PTPRD: variants seen among roughly 807,000 people sequenced by gnomAD.
PTPRD encodes receptor-type tyrosine-protein phosphatase delta.
A neutral mutation model predicts 214.5 loss-of-function variants in PTPRD; 34 were observed. The ratio of observed to expected loss-of-function variants is 0.16; its 90% confidence interval spans 0.12 to 0.21. PTPRD has a LOEUF of 0.21. Ranked by LOEUF, PTPRD falls within the 10% of genes least tolerant of loss-of-function variation. The probability of loss-of-function intolerance (pLI) is 1.00; values close to 1 mark genes in which losing one functional copy is unlikely to be tolerated. For synonymous variants in PTPRD, 1,128 were observed against 845.7 expected (o/e 1.33, Z -5.79); for missense variants, 2,545 against 2,398.7 (o/e 1.06, Z -1.27).
Position 9,146,205 on chromosome 9 carries a change from G to C in PTPRD, c.-143+37099C>G, listed in dbSNP as rs528455007. ...ATTCTATGATTTAGATTGTTTATTC[G>C]TTAGTACCTGTATTAAACACTGCTG... On this transcript the variant is annotated intron_variant, in intron 10 of 45. Coordinates refer to ENST00000381196, the MANE Select transcript of PTPRD (RefSeq NM_002839.4). 2.0e-5 allele frequency among the ~76,000 whole-genome samples: 3 copies of C among 152,020 alleles called. No homozygotes were observed. The South Asian group carries it at 6.2e-4, about 32-fold the overall frequency.
chr9:8,707,450 C>T (rs112656511), intron 12 of PTPRD, among the ~76,000 whole-genome samples: 2,927 of 152,294 alleles, frequency 0.019, 34 homozygotes, highest in Middle Eastern at 0.041. Flanking sequence ...ATAAAAAGCC[C>T]CTTTCAAACA....
intron 14 of PTPRD, among the ~76,000 whole-genome samples, chr9:8,537,903 T>C (rs747131837): frequency 9.2e-5 from 14 of 152,054 alleles, no homozygotes; most frequent in South Asian, 4.1e-4. Flanking sequence ...CAAGTTTACA[T>C]TGCATTAAGT....
At chr9:9,850,148 C>T (rs774103627) in intron 5 of PTPRD, among the ~76,000 whole-genome samples, 1 of 152,132 alleles carries the variant, frequency 6.6e-6, no homozygotes, top group East Asian at 1.9e-4. Flanking sequence ...AAAGTTACCA[C>T]TGAAAGGTAT....
At chr9:10,143,487 G>A (rs575301140) in intron 3 of PTPRD, among the ~76,000 whole-genome samples, 121 of 152,128 alleles carry the variant, frequency 8.0e-4, no homozygotes, top group South Asian at 1.9e-3. Flanking sequence ...CAACCACCAT[G>A]GAGAGCAGTC....
At chr9:10,577,325 A>G (rs184764396) in intron 2 of PTPRD, among the ~76,000 whole-genome samples, 57 of 152,314 alleles carry the variant, frequency 3.7e-4, no homozygotes, top group Admixed American at 7.8e-4. Flanking sequence ...ATTATGATCC[A>G]TTCACTAATG....
At chr9:10,471,503 G>A (rs776915137) in intron 2 of PTPRD, among the ~76,000 whole-genome samples, 1 of 151,934 alleles carries the variant, frequency 6.6e-6, no homozygotes, top group Admixed American at 6.6e-5. Flanking sequence ...CTTGTCATCT[G>A]AGTTTTTAGT....
intron 3 of PTPRD, among the ~76,000 whole-genome samples, chr9:10,034,458 G>T: frequency 8.0e-6 from 1 of 125,736 alleles, no homozygotes; most frequent in Non-Finnish European, 1.6e-5. Context: ...AGGGGTACAT[G>T]TGCAGTTTTG....
chr9:9,795,831 C>T (rs2098998719), intron 5 of PTPRD, among the ~76,000 whole-genome samples: 1 of 151,842 alleles, frequency 6.6e-6, no homozygotes. Flanking sequence ...CTGGGAGTTC[C>T]AGACTAAACA....
chr9:9,467,975 A>G (rs2094332107), intron 8 of PTPRD, among the ~76,000 whole-genome samples: 1 of 152,086 alleles, frequency 6.6e-6, no homozygotes, highest in Non-Finnish European at 1.5e-5. Flanking sequence ...GTAATTGTCC[A>G]ACTTTACTAT....
At chr9:10,374,563 A>G (rs1296201981) in intron 2 of PTPRD, among the ~76,000 whole-genome samples, 1 of 152,014 alleles carries the variant, frequency 6.6e-6, no homozygotes, top group Non-Finnish European at 1.5e-5. Flanking sequence ...CCCACAGATC[A>G]TCAGATTAAT....
intron 3 of PTPRD, among the ~76,000 whole-genome samples, chr9:10,066,319 G>C (rs934818461): frequency 6.6e-6 from 1 of 151,618 alleles, no homozygotes; most frequent in African/African-American, 2.4e-5. Context: ...AAAAAAAGCA[G>C]TGGCAAATTT....
At chr9:10,095,567 C>T (rs1038343174) in intron 3 of PTPRD, among the ~76,000 whole-genome samples, 59 of 151,590 alleles carry the variant, frequency 3.9e-4, no homozygotes, top group African/African-American at 1.4e-3. Context: ...ATATACCAGA[C>T]AGCGTGAATA....
intron 5 of PTPRD, among the ~76,000 whole-genome samples, chr9:9,839,900 T>C (rs2057852326): frequency 1.3e-5 from 2 of 152,058 alleles, no homozygotes; most frequent in Admixed American, 6.6e-5. Context: ...AAACATATAT[T>C]GATATGCATT....
chr9:10,039,281 C>T (rs1317031629), intron 3 of PTPRD, among the ~76,000 whole-genome samples: 2 of 151,908 alleles, frequency 1.3e-5, no homozygotes, highest in East Asian at 3.9e-4. Flanking sequence ...AAAATGAATA[C>T]AAAGAAAGAC....
intron 10 of PTPRD, among the ~76,000 whole-genome samples, chr9:9,042,916 T>C (rs1238648013): frequency 1.3e-5 from 2 of 152,082 alleles, no homozygotes; most frequent in East Asian, 1.9e-4. Context: ...GCAGCAGTAG[T>C]GTAAGTTGGG....
intron 24 of PTPRD, among the ~76,000 whole-genome samples, 196 bp downstream of exon 24, chr9:8,500,558 G>GA (rs146807692): frequency 0.038 from 548 of 14,276 alleles, 145 homozygotes; most frequent in Non-Finnish European, 0.047. Context: ...TGAAAAAAAT[G>GA]AAAAAAAAAA....
chr9:8,849,907 A>G (rs1182432292), intron 11 of PTPRD, among the ~76,000 whole-genome samples: 1 of 152,192 alleles, frequency 6.6e-6, no homozygotes, highest in Admixed American at 6.5e-5. Flanking sequence ...GAAATGAGAA[A>G]ACACAAAAAC....
At chr9:9,131,472 A>G (rs2154474634) in intron 10 of PTPRD, among the ~76,000 whole-genome samples, 1 of 152,302 alleles carries the variant, frequency 6.6e-6, no homozygotes, top group South Asian at 2.1e-4. Context: ...CATGGAACAG[A>G]TTGTAGCAGT....
intron 5 of PTPRD, among the ~76,000 whole-genome samples, chr9:9,910,111 T>C (rs891408939): frequency 7.2e-5 from 11 of 151,948 alleles, no homozygotes; most frequent in Admixed American, 1.3e-4. Flanking sequence ...GTACCTCAGC[T>C]TTCATATCTG....
Sources: allele counts gnomAD v4.1 joint callset (sites outside exome capture counted in the v4.1 genomes callset), GRCh38; gene constraint gnomAD v4.1.1; transcripts MANE v1.5; gene names NCBI Gene and HGNC (gene_info 2026-07-23, HGNC 2026-07-21).